The following DISC1 variants were observed in gnomAD, a reference collection of about 807,000 sequenced individuals.
DISC1 encodes DISC1 scaffold protein.
A neutral mutation model predicts 84.5 loss-of-function variants in DISC1; 57 were observed. The observed-to-expected ratio is 0.67, with a 90% CI of 0.55 to 0.84. DISC1 has a LOEUF of 0.84. Among genes scored for constraint, DISC1 ranks in the 40% least tolerant of loss-of-function variants. The pLI is 0.00. For missense variants in DISC1, 1,000 were observed against 1,057.8 expected (o/e 0.95, Z 0.76); for synonymous variants, 411 against 415.2 (o/e 0.99, Z 0.12).
intron 6 of DISC1, among the ~76,000 whole-genome samples, chr1:231,773,532 G>A (rs1404513310): frequency 6.6e-6 from 1 of 152,084 alleles, no homozygotes; most frequent in Admixed American, 6.5e-5. Flanking sequence ...CTACAGGCTT[G>A]TGCCAGCACA....
chr1:231,865,437 A>G (rs2084982134), intron 9 of DISC1, among the ~76,000 whole-genome samples: 2 of 152,248 alleles, frequency 1.3e-5, no homozygotes, highest in African/African-American at 2.4e-5. Flanking sequence ...AGGTTCACCC[A>G]GGATGGGAGG....
At chr1:231,985,351 A>G (rs1202328878) in intron 10 of DISC1, among the ~76,000 whole-genome samples, 3 of 151,946 alleles carry the variant, frequency 2.0e-5, no homozygotes, top group Non-Finnish European at 2.9e-5. Flanking sequence ...AAAAAAAAAA[A>G]AAAAGAAAGA....
intron 3 of DISC1, among the ~76,000 whole-genome samples, chr1:231,724,330 C>A (rs1424837243): frequency 2.0e-5 from 3 of 152,156 alleles, no homozygotes; most frequent in Admixed American, 6.5e-5. Flanking sequence ...CTCTTCCACC[C>A]TGATTTCTTC....
intron 11 of DISC1, among the ~76,000 whole-genome samples, chr1:232,012,408 G>A (rs1668100651): frequency 6.6e-6 from 1 of 152,176 alleles, no homozygotes; most frequent in Non-Finnish European, 1.5e-5. Flanking sequence ...GATAACAAGG[G>A]CCTCATTAGG....
Position 231,694,090 on chromosome 1 carries a change from T to A in DISC1, c.332T>A (p.Val111Glu). ...KSAAAPTVTS[V>E]RGTSAHFGIQ... ...GCAGCAGCCCCTACTGTGACCTCTG[T>A]GAGAGGAACCTCGGCGCACTTTGGG... The change falls in exon 2 of 13, where the codon GTG becomes GAG. Residue 111 changes from valine (V) to glutamate (E), a missense_variant. Transcript: ENST00000439617. 7 of 1,614,164 alleles carry A rather than the reference T, an allele frequency of 4.3e-6. No homozygotes were observed. Among genetic ancestry groups the A allele is most frequent in the Non-Finnish European group, 5.9e-6 (7 of 1,180,014 alleles).
At chr1:231,692,597 G>A (rs1157012838) in intron 1 of DISC1, among the ~76,000 whole-genome samples, 1 of 149,680 alleles carries the variant, frequency 6.7e-6, no homozygotes, top group Non-Finnish European at 1.5e-5. Flanking sequence ...CAGGATGTGT[G>A]GGCCTGGAGT....
In DISC1 at chr1:232,039,808, C is replaced by T. The variant is rs1490529845; in HGVS notation, c.*2977C>T. On this transcript the variant is annotated 3_prime_UTR_variant, in exon 13 of 13. Coordinates refer to ENST00000439617, the MANE Select transcript of DISC1 (RefSeq NM_018662.3). ...ATAGCCAAGACCACAAGCAAAAGCA[C>T]ATACTGGAAATGATGAGTTAGAATC... The T allele has an allele frequency of 2.0e-5, 3 of 152,052 alleles. No individual in the cohort carries two copies. Among genetic ancestry groups the T allele is most frequent in the African/African-American group, 7.2e-5 (3 of 41,390 alleles). The allele number at this position is 152,052 out of a possible 1,614,324, so 9.4% of individuals were successfully genotyped here.
rs531665771 is a variant in DISC1 at position 231,731,642 on chromosome 1, G to A, written c.1118-18284G>A. 8.4e-4 allele frequency among the ~76,000 whole-genome samples: 127 copies of A among 151,998 alleles called. 1 individual carries two copies. The highest frequency in any genetic ancestry group is 3.0e-3 in the African/African-American group (124 of 41,472). ...AATATATCAAGGTTATGTTAATTTT[G>A]TGCACTGAAAGAGCTGTGAATTTTG... On this transcript the variant is annotated intron_variant, in intron 3 of 12. Transcript: ENST00000439617.
chr1:231,984,923 T>C (rs1171080189), intron 10 of DISC1, among the ~76,000 whole-genome samples: 1 of 152,182 alleles, frequency 6.6e-6, no homozygotes, highest in Non-Finnish European at 1.5e-5. Flanking sequence ...AACGTAGATT[T>C]TGGGGTTAGA....
At chr1:231,748,808 A>T (rs2074288920) in intron 3 of DISC1, among the ~76,000 whole-genome samples, 1 of 152,200 alleles carries the variant, frequency 6.6e-6, no homozygotes, top group African/African-American at 2.4e-5. Flanking sequence ...AAGAATTGGT[A>T]TTAATTATTC....
At chr1:231,985,166 C>CA (rs1000453994) in intron 10 of DISC1, among the ~76,000 whole-genome samples, 93 of 151,084 alleles carry the variant, frequency 6.2e-4, no homozygotes, top group African/African-American at 2.0e-3. Context: ...ACTAAAAATA[C>CA]AAAAAAAATA....
chr1:231,662,412 G>A (rs1362871306), intron 1 of DISC1, among the ~76,000 whole-genome samples: 1 of 152,312 alleles, frequency 6.6e-6, no homozygotes, highest in East Asian at 1.9e-4. Context: ...ATCCGAGGGA[G>A]AGGTCAGAGT....
intron 12 of DISC1, 152 bp downstream of exon 12, chr1:232,026,704 G>T: frequency 1.7e-6 from 1 of 605,696 alleles, no homozygotes; most frequent in Non-Finnish European, 2.9e-6. Flanking sequence ...AGATTATCAG[G>T]TATGAAATGT....
chr1:231,990,016 A>C (rs150385326), intron 10 of DISC1, among the ~76,000 whole-genome samples: 3 of 152,144 alleles, frequency 2.0e-5, no homozygotes, highest in Non-Finnish European at 4.4e-5. Context: ...CTAGGACTCA[A>C]GAGGCACTGT....
chr1:231,855,559 A>G (rs1217905219), intron 9 of DISC1, among the ~76,000 whole-genome samples: 19 of 152,234 alleles, frequency 1.2e-4, no homozygotes, highest in Non-Finnish European at 5.9e-5. Context: ...TTACAACATA[A>G]AGCCTAAACC....
chr1:232,003,013 T>C (rs1417124821), intron 10 of DISC1, among the ~76,000 whole-genome samples: 2 of 152,182 alleles, frequency 1.3e-5, no homozygotes, highest in African/African-American at 4.8e-5. Context: ...TAAAGGTACA[T>C]GAGATCTCTC....
chr1:231,766,591 A>G (rs975835169), intron 4 of DISC1, among the ~76,000 whole-genome samples: 2 of 152,224 alleles, frequency 1.3e-5, no homozygotes, highest in Non-Finnish European at 2.9e-5. Flanking sequence ...TGGATGCCGT[A>G]AAGGCAAGGG....
At chr1:231,845,354 G>A (rs1249897234) in intron 9 of DISC1, among the ~76,000 whole-genome samples, 1 of 152,224 alleles carries the variant, frequency 6.6e-6, no homozygotes, top group Non-Finnish European at 1.5e-5. Context: ...ATTTTTGAAT[G>A]AATACATGAG....
intron 9 of DISC1, among the ~76,000 whole-genome samples, chr1:231,922,230 G>A (rs1242003116): frequency 6.6e-6 from 1 of 152,186 alleles, no homozygotes; most frequent in Non-Finnish European, 1.5e-5. Context: ...TGCACTTACA[G>A]CTCCTGCTAT....
Sources: allele counts gnomAD v4.1 joint callset (sites outside exome capture counted in the v4.1 genomes callset), GRCh38; gene constraint gnomAD v4.1.1; transcripts MANE v1.5; gene names NCBI Gene and HGNC (gene_info 2026-07-23, HGNC 2026-07-21).